TBXAS1: variants seen among roughly 807,000 people sequenced by gnomAD.
TBXAS1 encodes the protein thromboxane A synthase 1.
Under a neutral mutation model 60.7 loss-of-function variants are expected in TBXAS1, and 48 were observed. The observed-to-expected ratio is 0.79, with a 90% confidence interval of 0.63 to 1.01. The LOEUF is 1.01. Ranked by LOEUF, TBXAS1 falls within the 50% of genes least tolerant of loss-of-function variation. The pLI is 0.00. For missense variants in TBXAS1, 685 were observed against 686.3 expected (o/e 1.00, Z 0.02); for synonymous variants, 287 against 269.7 (o/e 1.06, Z -0.63).
chr7:140,006,066 G>A (rs1412158612), intron 9 of TBXAS1, among the ~76,000 whole-genome samples: 1 of 152,226 alleles, frequency 6.6e-6, no homozygotes, highest in Non-Finnish European at 1.5e-5. Flanking sequence ...AACGTTGGCG[G>A]CTTGAGAATG....
At chr7:139,957,889 C>G in intron 8 of TBXAS1, 125 bp downstream of exon 8, 1 of 1,365,116 alleles carries the variant, frequency 7.3e-7, no homozygotes, top group South Asian at 1.2e-5. Flanking sequence ...AGCAACCCAC[C>G]ACTTACAGCT....
At chr7:139,977,775 G>A (rs1263497984) in intron 9 of TBXAS1, among the ~76,000 whole-genome samples, 1 of 152,096 alleles carries the variant, frequency 6.6e-6, no homozygotes, top group African/African-American at 2.4e-5. Flanking sequence ...AGATGCTACC[G>A]ATGGTTATCA....
intron 3 of TBXAS1, among the ~76,000 whole-genome samples, chr7:139,886,386 ATTTTTTTTT>A (rs8192818): frequency 7.0e-5 from 7 of 99,644 alleles, no homozygotes; most frequent in African/African-American, 2.5e-4. Flanking sequence ...TTGCAGATGA[ATTTTTTTTT>A]TTTTTTTTTT....
At chr7:139,807,760 C>T (rs962686525) in intron 4 of TBXAS1, among the ~76,000 whole-genome samples, 1 of 152,086 alleles carries the variant, frequency 6.6e-6, no homozygotes, top group Non-Finnish European at 1.5e-5. Flanking sequence ...TCAAGCGATC[C>T]TCGTGCCTAA....
At chr7:139,992,598 C>A (rs1004429036) in intron 9 of TBXAS1, among the ~76,000 whole-genome samples, 1 of 152,248 alleles carries the variant, frequency 6.6e-6, no homozygotes. Context: ...GTGGAGGAGG[C>A]GGCCCTGGAG....
intron 9 of TBXAS1, 136 bp from the exon 10 acceptor site, chr7:140,006,955 C>T (rs1025707622): frequency 9.2e-6 from 8 of 874,258 alleles, no homozygotes; most frequent in African/African-American, 6.6e-5. Flanking sequence ...TGGGTCATAC[C>T]GACTTTCCAT....
intron 3 of TBXAS1, among the ~76,000 whole-genome samples, chr7:139,895,366 G>C (rs1055894617): frequency 2.0e-5 from 3 of 152,212 alleles, no homozygotes; most frequent in Non-Finnish European, 4.4e-5. Flanking sequence ...GCTGCTTAAA[G>C]CCATGTCTTG....
chr7:139,865,872 AGGGAGGGAGGG>A lies in TBXAS1; in HGVS notation c.90-6362_90-6352del, dbSNP rs1248302722. On this transcript the variant is annotated intron_variant, in intron 1 of 12. Transcript: ENST00000448866. ...GGAAGGAGGGAGGGAGGAAGGAAGG[AGGGAGGGAGGG>A]AAGGAGGAAGGAGGGAGGGAGGAAG... 1.1e-4 allele frequency among the ~76,000 whole-genome samples: 10 copies of A among 87,976 alleles called. 1 individual carries two copies. The highest frequency in any genetic ancestry group is 4.7e-4 in the African/African-American group (10 of 21,086). The allele number at this position is 87,976 out of a possible 152,430, so 57.7% of individuals were successfully genotyped here.
At chr7:139,971,674 G>A (rs8192842) in intron 9 of TBXAS1, among the ~76,000 whole-genome samples, 5 of 152,042 alleles carry the variant, frequency 3.3e-5, no homozygotes, top group African/African-American at 7.2e-5. Context: ...ACAGTAACCC[G>A]TAGGGAAACT....
intron 9 of TBXAS1, among the ~76,000 whole-genome samples, chr7:139,993,857 GTTTGC>G (rs1285537324): frequency 7.0e-6 from 1 of 143,756 alleles, no homozygotes; most frequent in African/African-American, 2.6e-5. Flanking sequence ...ACTGCTCTTT[GTTTGC>G]TTTGCTTTGC....
At chr7:139,831,917 G>C (rs1798726086) in intron 1 of TBXAS1, among the ~76,000 whole-genome samples, 1 of 152,176 alleles carries the variant, frequency 6.6e-6, no homozygotes, top group Admixed American at 6.5e-5. Flanking sequence ...GGGTGACAAA[G>C]AAAGACTCTG....
chr7:139,908,658 A>G (rs1421247857), intron 3 of TBXAS1, among the ~76,000 whole-genome samples: 2 of 152,134 alleles, frequency 1.3e-5, no homozygotes, highest in African/African-American at 4.8e-5. Flanking sequence ...TTCTAAGTGC[A>G]TTGAGTACCA....
intron 4 of TBXAS1, among the ~76,000 whole-genome samples, chr7:139,817,359 AGTCCTGTGGCCT>A (rs1298779958): frequency 3.9e-5 from 6 of 152,256 alleles, no homozygotes; most frequent in South Asian, 2.1e-4. Context: ...GCCGCCAGCA[AGTCCTGTGGCCT>A]GTCCTGTGGG....
chr7:139,904,659 C>T (rs1165327425), intron 3 of TBXAS1, among the ~76,000 whole-genome samples: 3 of 152,234 alleles, frequency 2.0e-5, no homozygotes, highest in Admixed American at 1.3e-4. Flanking sequence ...AGAGTTCTTT[C>T]CACTCCTTGG....
chr7:139,984,597 T>TA (rs1421564447), intron 9 of TBXAS1, among the ~76,000 whole-genome samples: 3 of 32,506 alleles, frequency 9.2e-5, no homozygotes, highest in Admixed American at 3.3e-4. Context: ...GGATCAAAAA[T>TA]AAAAAAATAA....
intron 4 of TBXAS1, among the ~76,000 whole-genome samples, chr7:139,820,765 C>G (rs1798275527): frequency 6.6e-6 from 1 of 152,122 alleles, no homozygotes; most frequent in African/African-American, 2.4e-5. Flanking sequence ...CCCAGCCATG[C>G]TGGTGTTTTC....
At chr7:139,836,184 A>T (rs1351925303) in intron 1 of TBXAS1, among the ~76,000 whole-genome samples, 2 of 152,238 alleles carry the variant, frequency 1.3e-5, no homozygotes, top group African/African-American at 4.8e-5. Flanking sequence ...AAACAAATGG[A>T]AACACATTCC....
At chr7:139,963,907 T>C (rs969019680) in intron 9 of TBXAS1, among the ~76,000 whole-genome samples, 7 of 152,120 alleles carry the variant, frequency 4.6e-5, no homozygotes, top group Non-Finnish European at 7.4e-5. Context: ...TGCTCTCTTA[T>C]ATTGGCCCCA....
At chr7:139,889,248 C>G (rs774410349) in intron 3 of TBXAS1, among the ~76,000 whole-genome samples, 1 of 150,690 alleles carries the variant, frequency 6.6e-6, no homozygotes, top group Non-Finnish European at 1.5e-5. Context: ...ATAGGAGGAT[C>G]GCTTGAGCCA....
Sources: gnomAD v4.1 joint callset for allele counts (sites outside exome capture counted in the v4.1 genomes callset) on GRCh38, gnomAD v4.1.1 for gene constraint, MANE v1.5 for transcripts, NCBI Gene and HGNC (gene_info 2026-07-23, HGNC 2026-07-21) for gene names.